USP18: variants seen among roughly 807,000 people sequenced by gnomAD.
USP18 encodes the protein ubiquitin specific peptidase 18.
Under a neutral mutation model 48.7 loss-of-function variants are expected in USP18, and 11 were observed. The ratio of observed to expected loss-of-function variants is 0.23; its 90% CI spans 0.14 to 0.37. USP18 has a LOEUF of 0.37. Among genes scored for constraint, USP18 ranks in the 10% least tolerant of loss-of-function variants. The probability of loss-of-function intolerance (pLI) is 1.00; values close to 1 mark genes in which losing one functional copy is unlikely to be tolerated. For synonymous variants in USP18, 114 were observed against 163.2 expected (o/e 0.70, Z 2.30); for missense variants, 285 against 436.4 (o/e 0.65, Z 3.09).
intron 2 of USP18, among the ~76,000 whole-genome samples, chr22:18,159,639 A>C (rs1929267876): frequency 6.8e-6 from 1 of 146,560 alleles, no homozygotes. Flanking sequence ...CTGGGACTAC[A>C]GGCACCTGTC....
At chr22:18,167,450 C>T in intron 5 of USP18, 116 bp downstream of exon 5, 2 of 1,240,824 alleles carry the variant, frequency 1.6e-6, no homozygotes, top group East Asian at 5.0e-5. Flanking sequence ...GTAATCCCAG[C>T]ACTTTGGGAG....
intron 1 of USP18, 92 bp from the exon 2 acceptor site, chr22:18,157,466 C>T: frequency 1.5e-6 from 1 of 676,308 alleles, no homozygotes; most frequent in Non-Finnish European, 2.5e-6. Flanking sequence ...ATTTATCTCC[C>T]TCTAAGACCT....
rs754516517 is a variant in USP18 at position 18,160,193 on chromosome 22, T to A, written c.179T>A (p.Ile60Asn). 6.2e-7 allele frequency: 1 copy of A among 1,614,206 alleles called. No individual in the cohort carries two copies. The highest frequency in any genetic ancestry group is 8.5e-7 in the Non-Finnish European group (1 of 1,180,008). Reference protein sequence around the residue: ...YPHGLVGLHNIGQTCCLNSLI... With the variant: ...YPHGLVGLHNNGQTCCLNSLI... The stretch of plus-strand genomic sequence containing the variant: ...ATAGGCCTGGTTGGTTTACACAACA[T>A]TGGACAGACCTGCTGCCTTAACTCC... The change falls in exon 3 of 11, where the codon ATT (isoleucine) becomes AAT (asparagine). Residue 60 changes from isoleucine (I) to asparagine (N), a missense_variant. Physicochemically the swap from Ile to Asn is moderately radical, Grantham distance 149. Around this residue, in one of 5 missense-constraint regions of USP18, gnomAD observed 199 missense variants for 239.6 expected, o/e 0.83. Transcript: ENST00000215794.
At chr22:18,173,548 G>C (rs1263432194) in intron 9 of USP18, among the ~76,000 whole-genome samples, 1 of 152,170 alleles carries the variant, frequency 6.6e-6, no homozygotes, top group Non-Finnish European at 1.5e-5. Context: ...GAAATGTCTA[G>C]AGAGCAACGA....
chr22:18,159,649 C>T (rs1359354810), intron 2 of USP18, among the ~76,000 whole-genome samples: 1 of 144,522 alleles, frequency 6.9e-6, no homozygotes, highest in Non-Finnish European at 1.5e-5. Flanking sequence ...AGGCACCTGT[C>T]ATGACACCTG....
chr22:18,174,064 C>T (rs1359870520), intron 10 of USP18, among the ~76,000 whole-genome samples: 1 of 152,108 alleles, frequency 6.6e-6, no homozygotes, highest in Non-Finnish European at 1.5e-5. Context: ...CATCTCCCGT[C>T]TGCTGTGCAC....
intron 7 of USP18, 35 bp from the exon 8 acceptor site, chr22:18,170,718 T>G (rs370729669): frequency 2.5e-6 from 4 of 1,607,670 alleles, no homozygotes; most frequent in Non-Finnish European, 3.4e-6. Flanking sequence ...TCATTCCAAG[T>G]AGACTTCATC....
chr22:18,159,904 C>T (rs1929279775), intron 2 of USP18, among the ~76,000 whole-genome samples: 1 of 152,054 alleles, frequency 6.6e-6, no homozygotes, highest in Non-Finnish European at 1.5e-5. Context: ...GTCTCGATCT[C>T]CTGACCTCGT....
intron 9 of USP18, among the ~76,000 whole-genome samples, chr22:18,173,587 G>A (rs1412145456): frequency 8.5e-5 from 13 of 152,332 alleles, no homozygotes; most frequent in African/African-American, 3.1e-4. Flanking sequence ...TTAGGCCTCT[G>A]GGATAAGCAT....
At chr22:18,151,272 C>T (rs528000672) in intron 1 of USP18, among the ~76,000 whole-genome samples, 2 of 152,116 alleles carry the variant, frequency 1.3e-5, no homozygotes, top group African/African-American at 2.4e-5. Flanking sequence ...ATTTTGAGAC[C>T]CCTGAAAATC....
intron 1 of USP18, among the ~76,000 whole-genome samples, chr22:18,156,684 G>T (rs896852132): frequency 6.6e-6 from 1 of 152,208 alleles, no homozygotes; most frequent in Non-Finnish European, 1.5e-5. Flanking sequence ...CACCGCGAAG[G>T]TCTGCAGCTT....
intron 7 of USP18, among the ~76,000 whole-genome samples, chr22:18,170,410 A>G (rs1929596860): frequency 6.6e-6 from 1 of 152,198 alleles, no homozygotes; most frequent in South Asian, 2.1e-4. Context: ...CTCATGTCGC[A>G]TCACTGAGAG....
rs530367953 is a variant in USP18 at position 18,171,487 on chromosome 22, G to A, written c.891+567G>A. ...CTCTCAAAAAAAAAAAAAAAAATTA[G>A]CTGGGTGTGGTAGCACAAACCTTTA... On this transcript the variant is annotated intron_variant, in intron 8 of 10. Coordinates refer to ENST00000215794, the MANE Select transcript of USP18 (RefSeq NM_017414.4). Among the ~76,000 whole-genome samples, 9 of 148,902 alleles carry A rather than the reference G, an allele frequency of 6.0e-5. 1 individual carries two copies. The South Asian group carries it at 1.9e-3, about 31-fold the overall frequency.
intron 10 of USP18, among the ~76,000 whole-genome samples, chr22:18,174,397 G>C (rs1569213598): frequency 6.6e-6 from 1 of 150,762 alleles, no homozygotes; most frequent in Admixed American, 6.6e-5. Context: ...CCAGCTGATT[G>C]TTTTTTGTAT....
intron 1 of USP18, among the ~76,000 whole-genome samples, chr22:18,155,973 A>G (rs1018752343): frequency 1.3e-5 from 2 of 152,328 alleles, no homozygotes; most frequent in East Asian, 1.9e-4. Flanking sequence ...GGACTTGGAG[A>G]ATCTTTATGT....
chr22:18,165,875 A>G (rs1179459435), intron 4 of USP18, among the ~76,000 whole-genome samples: 1 of 151,104 alleles, frequency 6.6e-6, no homozygotes, highest in Non-Finnish European at 1.5e-5. Flanking sequence ...ACTGCCCGGT[A>G]GAAAACCGCC....
chr22:18,167,352 G>C lies in USP18; in HGVS notation c.480+18G>C. 1 of 1,613,294 alleles carries C rather than the reference G, an allele frequency of 6.2e-7. No individual in the cohort carries two copies. On this transcript the variant is annotated intron_variant, in intron 5 of 10. Coordinates refer to ENST00000215794, the MANE Select transcript of USP18 (RefSeq NM_017414.4). ...TGCACTTGGTAAGAACCTAGAACCA[G>C]AGCACTCGGAAGCTTAAGATGCTGC...
intron 2 of USP18, among the ~76,000 whole-genome samples, chr22:18,159,376 AG>A (rs1483172345): frequency 2.0e-5 from 3 of 152,026 alleles, no homozygotes; most frequent in Non-Finnish European, 4.4e-5. Flanking sequence ...AGCTTTTTAA[AG>A]ATTCATGTTT....
At chr22:18,169,483 G>T (rs1348216326) in intron 6 of USP18, among the ~76,000 whole-genome samples, 1 of 152,236 alleles carries the variant, frequency 6.6e-6, no homozygotes, top group Non-Finnish European at 1.5e-5. Context: ...GGCTGAGGCA[G>T]GAGAATCGCT....
Sources: gnomAD v4.1 joint callset for allele counts (sites outside exome capture counted in the v4.1 genomes callset) on GRCh38, gnomAD v4.1.1 for gene constraint, gnomAD v4.1.1 regional missense constraint, MANE v1.5 for transcripts, NCBI Gene and HGNC (gene_info 2026-07-23, HGNC 2026-07-21) for gene names.